The following HPSE2 variants were observed in gnomAD, a reference collection of about 807,000 sequenced individuals.
HPSE2 encodes heparanase 2 (inactive), also known as inactive heparanase-2.
Under a neutral mutation model 60.5 loss-of-function variants are expected in HPSE2, and 38 were observed. The ratio of observed to expected loss-of-function variants is 0.63; its 90% CI spans 0.48 to 0.82. HPSE2 has a LOEUF of 0.82. Among genes scored for constraint, HPSE2 ranks in the 40% least tolerant of loss-of-function variants. The pLI, the probability that HPSE2 is intolerant of heterozygous loss-of-function variation, is 0.00. For synonymous variants in HPSE2, 295 were observed against 293.2 expected (o/e 1.01, Z -0.06); for missense variants, 713 against 740.4 (o/e 0.96, Z 0.43).
chr10:98,958,557 A>T (rs10736139), intron 3 of HPSE2, among the ~76,000 whole-genome samples: 115,358 of 151,944 alleles, frequency 0.76, 44,155 homozygotes, highest in East Asian at 0.86. Flanking sequence ...CATTTAATAA[A>T]AATAACCTTA....
At chr10:98,897,040 T>C (rs1314156505) in intron 3 of HPSE2, among the ~76,000 whole-genome samples, 2 of 152,146 alleles carry the variant, frequency 1.3e-5, no homozygotes, top group Non-Finnish European at 2.9e-5. Context: ...GCTACAACCT[T>C]GGATGGAGCT....
chr10:99,213,636 C>T (rs17111271), intron 2 of HPSE2, among the ~76,000 whole-genome samples: 3,174 of 150,950 alleles, frequency 0.021, 113 homozygotes, highest in East Asian at 0.16. Context: ...TCTGGGTTCA[C>T]GTTTTTAGAA....
intron 3 of HPSE2, among the ~76,000 whole-genome samples, chr10:99,087,609 G>A (rs143379393): frequency 3.3e-5 from 5 of 152,272 alleles, no homozygotes; most frequent in East Asian, 1.9e-4. Context: ...AGCTACATGC[G>A]TAACCGGGTG....
chr10:98,646,304 TTTC>T (rs1171489539), intron 6 of HPSE2, among the ~76,000 whole-genome samples: 1 of 123,792 alleles, frequency 8.1e-6, no homozygotes, highest in African/African-American at 2.8e-5. Context: ...ATAATGGTGA[TTTC>T]TTTTTTTCTT....
chr10:98,673,820 G>A (rs905184591), intron 6 of HPSE2, among the ~76,000 whole-genome samples: 3 of 152,076 alleles, frequency 2.0e-5, no homozygotes, highest in African/African-American at 7.2e-5. Flanking sequence ...TTAAATCCTG[G>A]ACCACCATTT....
chr10:99,113,206 C>T (rs1381125171), intron 3 of HPSE2, among the ~76,000 whole-genome samples: 1 of 152,162 alleles, frequency 6.6e-6, no homozygotes, highest in South Asian at 2.1e-4. Flanking sequence ...ATTAGCTAAT[C>T]TAATCCTCAT....
chr10:98,795,912 C>G lies in HPSE2; in HGVS notation c.611-51856G>C, dbSNP rs1293234826. ...GCCCTAGCTCACTGACATTTCTAGA[C>G]ACACCCCAATCCAAAATGGAACCAG... is the stretch of plus-strand genomic sequence containing the variant. On this transcript the variant is annotated intron_variant, in intron 3 of 11. Transcript: ENST00000370552. Among the ~76,000 whole-genome samples the G allele has an allele frequency of 2.0e-5, 3 of 152,190 alleles. No homozygotes were observed. The East Asian group carries it at 5.8e-4, about 29-fold the overall frequency.
At chr10:99,284,664 A>C in the HPSE2 span, among the ~76,000 whole-genome samples, 130,246 of 152,178 alleles carry the variant, frequency 0.86, 56,102 homozygotes, top group African/African-American at 0.92. Flanking sequence ...GGTAAATGGC[A>C]TTCATTAAAA....
chr10:99,001,501 A>G (rs1956776038), intron 3 of HPSE2, among the ~76,000 whole-genome samples: 1 of 152,158 alleles, frequency 6.6e-6, no homozygotes, highest in Non-Finnish European at 1.5e-5. Context: ...AGCCATTTAA[A>G]TAACTCAGGC....
Position 98,999,156 on chromosome 10 carries a change from C to CGTGTGTGTGTGTGTGTGT in HPSE2, c.610+145064_610+145081dup, listed in dbSNP as rs55879808. 2.2e-5 allele frequency among the ~76,000 whole-genome samples: 3 copies of CGTGTGTGTGTGTGTGTGT among 137,682 alleles called. No homozygotes were observed. In the East Asian group the frequency reaches 6.4e-4, roughly 29 times the overall value. The allele number at this position is 137,682 out of a possible 152,430, so 90.3% of individuals were successfully genotyped here. A position where few individuals can be genotyped will look rare whatever the true frequency, so the allele number is the denominator to read the frequency against. Reference sequence around the variant, plus strand: ...GCACACTGCTAAGTGGTATAGACTACGTGTGTGTGTGTGTGTGTGTGTGTG... The same window carrying CGTGTGTGTGTGTGTGTGT: ...GCACACTGCTAAGTGGTATAGACTACGTGTGTGTGTGTGTGTGTGTGTGTGTGTGTGTGTGTGTGTGTG... On this transcript the variant is annotated intron_variant, in intron 3 of 11. Coordinates refer to ENST00000370552, the MANE Select transcript of HPSE2 (RefSeq NM_021828.5).
chr10:98,802,912 G>A (rs1249800336), intron 3 of HPSE2, among the ~76,000 whole-genome samples: 1 of 147,166 alleles, frequency 6.8e-6, no homozygotes, highest in South Asian at 2.2e-4. Flanking sequence ...TTCCACAATG[G>A]TTGAACTAGT....
intron 3 of HPSE2, among the ~76,000 whole-genome samples, chr10:99,000,910 C>T (rs1956763344): frequency 6.6e-6 from 1 of 151,998 alleles, no homozygotes; most frequent in Non-Finnish European, 1.5e-5. Flanking sequence ...CAAATCCTGT[C>T]CTGTCCCCTG....
At chr10:98,580,519 CT>C (rs1313279651) in intron 9 of HPSE2, among the ~76,000 whole-genome samples, 1 of 151,706 alleles carries the variant, frequency 6.6e-6, no homozygotes, top group Non-Finnish European at 1.5e-5. Context: ...ATTATTTTTG[CT>C]TGGGAATTAT....
chr10:99,227,800 AAT>A lies in HPSE2; in HGVS notation c.448+4546_448+4547del, dbSNP rs775717582. Among the ~76,000 whole-genome samples the A allele has an allele frequency of 9.6e-4, 143 of 148,194 alleles. No homozygotes were observed. In the Middle Eastern group the frequency reaches 0.011, roughly 11 times the overall value. On this transcript the variant is annotated intron_variant, in intron 2 of 11. Coordinates refer to ENST00000370552, the MANE Select transcript of HPSE2 (RefSeq NM_021828.5). Reference sequence around the variant, plus strand: ...ATTTGCATTCTAGATGGAAAGGTAAAATATATATATATATGTATATATATAAA... The same window carrying A: ...ATTTGCATTCTAGATGGAAAGGTAAAATATATATATATGTATATATATAAA...
intron 3 of HPSE2, among the ~76,000 whole-genome samples, chr10:98,845,860 TACTG>T (rs758260778): frequency 5.3e-5 from 8 of 152,324 alleles, no homozygotes; most frequent in South Asian, 2.1e-4. Context: ...CACAAGCTCC[TACTG>T]ACTGTCTTGG....
chr10:99,025,209 CT>C (rs1401247538), intron 3 of HPSE2, among the ~76,000 whole-genome samples: 4 of 152,002 alleles, frequency 2.6e-5, no homozygotes, highest in Admixed American at 2.0e-4. Context: ...TATTGGTTTT[CT>C]TTTTGCTCCT....
intron 9 of HPSE2, among the ~76,000 whole-genome samples, chr10:98,547,624 G>A (rs976016825): frequency 1.0e-4 from 13 of 129,954 alleles, no homozygotes; most frequent in African/African-American, 2.9e-4. Flanking sequence ...ATGGACACAG[G>A]AAGGGGAACA....
At chr10:99,101,487 A>G (rs1843984073) in intron 3 of HPSE2, among the ~76,000 whole-genome samples, 1 of 152,226 alleles carries the variant, frequency 6.6e-6, no homozygotes, top group Non-Finnish European at 1.5e-5. Context: ...AGATTCACAA[A>G]GCAAGTCCTT....
intron 3 of HPSE2, among the ~76,000 whole-genome samples, chr10:98,891,712 C>T (rs970605160): frequency 6.6e-6 from 1 of 151,954 alleles, no homozygotes; most frequent in Non-Finnish European, 1.5e-5. Context: ...CAGCTCGGCC[C>T]CTCAAAGCAT....
Sources: allele counts gnomAD v4.1 joint callset (sites outside exome capture counted in the v4.1 genomes callset), GRCh38; gene constraint gnomAD v4.1.1; transcripts MANE v1.5; gene names NCBI Gene and HGNC (gene_info 2026-07-23, HGNC 2026-07-21).